Variants in LARS1 observed in about 807,000 individuals in gnomAD.
LARS1 encodes the protein leucine--tRNA ligase, cytoplasmic.
Under a neutral mutation model 162.8 loss-of-function variants are expected in LARS1, and 100 were observed. The observed-to-expected ratio is 0.61, with a 90% confidence interval of 0.52 to 0.73. The LOEUF (loss-of-function observed/expected upper bound fraction) is 0.73, where lower values mean the gene tolerates loss of function less well. Ranked by LOEUF, LARS1 falls within the 30% of genes least tolerant of loss-of-function variation. LARS1 has a pLI of 0.00. For synonymous variants in LARS1, 457 were observed against 462.8 expected, an observed-to-expected ratio of 0.99 and a Z score of 0.16; for missense variants, 1,258 against 1,408.9, an observed-to-expected ratio of 0.89 and a Z score of 1.71.
chr5:146,172,003 A>T lies in LARS1; in HGVS notation c.214-13T>A. On this transcript the variant is annotated splice_polypyrimidine_tract_variant and intron_variant, in intron 3 of 31. Coordinates refer to ENST00000394434, the MANE Select transcript of LARS1 (RefSeq NM_020117.11). ...ACCCTACAGCAAACTACAGAAATAA[A>T]ATTAAATTTAAATTGCAAATTTAAA... The T allele has an allele frequency of 6.3e-7, 1 of 1,597,824 alleles. No individual in the cohort carries two copies. The highest frequency in any genetic ancestry group is 8.6e-7 in the Non-Finnish European group (1 of 1,168,922).
intron 14 of LARS1, 46 bp from the exon 15 acceptor site, chr5:146,149,745 A>C: frequency 1.5e-6 from 2 of 1,377,518 alleles, no homozygotes; most frequent in East Asian, 2.3e-5. Context: ...AACAGTTAGA[A>C]TCTGCCTTGA....
rs1764055208 is a variant in LARS1 at position 146,113,240 on chromosome 5, T to C, written c.*866A>G. On this transcript the variant is annotated 3_prime_UTR_variant, in exon 32 of 32. Coordinates refer to ENST00000394434, the MANE Select transcript of LARS1 (RefSeq NM_020117.11). ...CCACCATGCCAAGCTAATTTTTGTA[T>C]TTTTAGTAGAGACGGGGTTTCACCA... 6.6e-6 allele frequency: 1 copy of C among 152,342 alleles called. No individual in the cohort carries two copies. Among genetic ancestry groups the C allele is most frequent in the Non-Finnish European group, 1.5e-5 (1 of 68,148 alleles). The allele number at this position is 152,342 out of a possible 1,614,324, so 9.4% of individuals were successfully genotyped here.
intron 10 of LARS1, among the ~76,000 whole-genome samples, chr5:146,156,127 C>T (rs770428285): frequency 2.6e-5 from 4 of 152,182 alleles, no homozygotes; most frequent in Admixed American, 6.5e-5. Flanking sequence ...TGTGTGTATT[C>T]GCTTGTGTAT....
chr5:146,124,079 A>T lies in LARS1; in HGVS notation c.2999T>A (p.Leu1000Gln). The T allele has an allele frequency of 6.2e-7, 1 of 1,604,702 alleles. No homozygotes were observed. The highest frequency in any genetic ancestry group is 8.5e-7 in the Non-Finnish European group (1 of 1,173,888). ...MPFVAMIKEN[L>Q]EKMGPRILDL... ...CAGAATACGAGGCCCCATCTTCTCCAGATTTTCCTAATAGCCAAAATGGTA... is the reference window on the plus strand; with the variant it reads ...CAGAATACGAGGCCCCATCTTCTCCTGATTTTCCTAATAGCCAAAATGGTA... Residue 1000 changes from leucine (L) to glutamine (Q), a missense_variant, in exon 29 of 32, where the codon CTG (leucine) becomes CAG (glutamine). Physicochemically the swap from Leu to Gln is moderately radical, Grantham distance 113. Transcript: ENST00000394434.
At chr5:146,133,310 AAT>A (rs998974850) in intron 22 of LARS1, among the ~76,000 whole-genome samples, 1 of 152,226 alleles carries the variant, frequency 6.6e-6, no homozygotes, top group Non-Finnish European at 1.5e-5. Flanking sequence ...ACTAAGCACC[AAT>A]ATGTGTTTCT....
intron 18 of LARS1, 67 bp downstream of exon 18, chr5:146,144,200 G>A (rs1752911893): frequency 8.3e-7 from 1 of 1,201,974 alleles, no homozygotes; most frequent in Non-Finnish European, 1.2e-6. Context: ...GGGGGGAAAG[G>A]TAAAAATGTA....
At chr5:146,114,410 T>A (rs1764108623) in intron 31 of LARS1, 99 bp from the exon 32 acceptor site, 1 of 912,158 alleles carries the variant, frequency 1.1e-6, no homozygotes, top group African/African-American at 1.7e-5. Flanking sequence ...GGTTGTTATA[T>A]CTAAACAAAA....
In LARS1 at chr5:146,152,008, G is replaced by A. The variant is rs141942986; in HGVS notation, c.1285-6C>T. On this transcript the variant is annotated splice_region_variant and splice_polypyrimidine_tract_variant and intron_variant, in intron 13 of 31. Coordinates refer to ENST00000394434, the MANE Select transcript of LARS1 (RefSeq NM_020117.11). ...GGGATTTCAATGACTGGCACCTGCA[G>A]CAAACAGCAATCAGGAACGTGTTCA... The A allele has an allele frequency of 2.6e-4, 426 of 1,613,614 alleles. 5 individuals carry two copies. In the East Asian group the frequency reaches 8.0e-3, roughly 30 times the overall value.
At position 146,142,977 on chromosome 5, in the gene LARS1, A is replaced by T; in HGVS notation, c.1985T>A (p.Phe662Tyr). 1.2e-6 allele frequency: 2 copies of T among 1,614,052 alleles called. No homozygotes were observed. Among genetic ancestry groups the T allele is most frequent in the Non-Finnish European group, 1.7e-6 (2 of 1,179,912 alleles). Residue 662 changes from phenylalanine (F) to tyrosine (Y), a missense_variant, in exon 20 of 32, where the codon TTT becomes TAT. Physicochemically the swap from Phe to Tyr is conservative, Grantham distance 22. Transcript: ENST00000394434. Reference sequence around the variant, plus strand: ...AAGATCAACAGGATACCAGAATTCAAACTCCTGCTTTAACTGATCTAATTT... The same window carrying T: ...AAGATCAACAGGATACCAGAATTCATACTCCTGCTTTAACTGATCTAATTT... ...KEKLDQLKQE[F>Y]EFWYPVDLRV...
intron 10 of LARS1, 130 bp from the exon 11 acceptor site, chr5:146,154,110 T>C: frequency 1.6e-6 from 1 of 635,036 alleles, no homozygotes; most frequent in South Asian, 2.1e-5. Flanking sequence ...TCAAGAGCTA[T>C]ATTGTACAAT....
intron 18 of LARS1, among the ~76,000 whole-genome samples, chr5:146,143,926 C>T (rs1358716452): frequency 5.9e-5 from 9 of 152,060 alleles, no homozygotes; most frequent in African/African-American, 1.4e-4. Flanking sequence ...CGCTTGAACC[C>T]GGGAGGCAGA....
At chr5:146,166,694 A>G (rs1430980124) in intron 5 of LARS1, among the ~76,000 whole-genome samples, 1 of 152,240 alleles carries the variant, frequency 6.6e-6, no homozygotes, top group Non-Finnish European at 1.5e-5. Context: ...TGTAAAAAGA[A>G]AGAGGAAAAT....
chr5:146,142,520 T>A (rs1247322775), intron 20 of LARS1, among the ~76,000 whole-genome samples: 1 of 152,168 alleles, frequency 6.6e-6, no homozygotes, highest in African/African-American at 2.4e-5. Context: ...CTAGTCAGAA[T>A]GTTACCACAA....
At chr5:146,176,674 A>G (rs34014355) in intron 2 of LARS1, among the ~76,000 whole-genome samples, 33,844 of 152,004 alleles carry the variant, frequency 0.22, 4,832 homozygotes, top group Admixed American at 0.34. Flanking sequence ...TACATTTATT[A>G]AGGCAATGTT....
At chr5:146,173,554 T>TA (rs1358825801) in intron 2 of LARS1, among the ~76,000 whole-genome samples, 4 of 151,128 alleles carry the variant, frequency 2.6e-5, no homozygotes, top group Non-Finnish European at 2.9e-5. Context: ...TTTTTTTTTT[T>TA]AATTTTTTAG....
At chr5:146,178,986 C>T (rs139656271) in intron 1 of LARS1, among the ~76,000 whole-genome samples, 1 of 152,086 alleles carries the variant, frequency 6.6e-6, no homozygotes. Flanking sequence ...AATCCCAGCA[C>T]TTTGAGAGGC....
At chr5:146,152,271 C>T (rs982684666) in intron 13 of LARS1, among the ~76,000 whole-genome samples, 1 of 152,164 alleles carries the variant, frequency 6.6e-6, no homozygotes, top group Non-Finnish European at 1.5e-5. Flanking sequence ...ACTCTATCCT[C>T]CACTGGCATA....
intron 22 of LARS1, among the ~76,000 whole-genome samples, chr5:146,135,014 AT>A (rs1335560519): frequency 2.0e-5 from 3 of 150,566 alleles, no homozygotes; most frequent in Non-Finnish European, 4.4e-5. Context: ...CATACTCAAC[AT>A]TTTTTTTTGA....
At chr5:146,163,266 G>A (rs1206221831) in intron 6 of LARS1, among the ~76,000 whole-genome samples, 1 of 152,246 alleles carries the variant, frequency 6.6e-6, no homozygotes, top group African/African-American at 2.4e-5. Context: ...GGGTTTGGCT[G>A]AAGGAAATGT....
Sources: gnomAD v4.1 joint callset for allele counts (sites outside exome capture counted in the v4.1 genomes callset) on GRCh38, gnomAD v4.1.1 for gene constraint, MANE v1.5 for transcripts, NCBI Gene and HGNC (gene_info 2026-07-23, HGNC 2026-07-21) for gene names.